The following RARB variants were observed in gnomAD, a reference collection of about 807,000 sequenced individuals.
The protein encoded by RARB is HBV-activated protein.
A neutral mutation model predicts 51.9 loss-of-function variants in RARB; 17 were observed. The observed-to-expected ratio is 0.33, with a 90% CI of 0.22 to 0.49. RARB has a LOEUF of 0.49. RARB is among the 20% of genes least tolerant of loss of function. The pLI, the probability that RARB is intolerant of heterozygous loss-of-function variation, is 0.99. For synonymous variants in RARB, 215 were observed against 195.4 expected, an observed-to-expected ratio of 1.10 and a Z score of -0.84; for missense variants, 369 against 550.8, an observed-to-expected ratio of 0.67 and a Z score of 3.30.
At chr3:25,295,220 T>C (rs1252891173) in intron 5 of RARB, among the ~76,000 whole-genome samples, 1 of 152,196 alleles carries the variant, frequency 6.6e-6, no homozygotes, top group Non-Finnish European at 1.5e-5. Flanking sequence ...TCAGAATATT[T>C]GTGTGCCTCA....
rs1365194110 is a variant in RARB at position 25,555,400 on chromosome 3, G to C, written c.449-14358G>C. The C allele has an allele frequency of 3.3e-5, 5 of 152,014 alleles. 1 individual carries two copies. The South Asian group carries it at 1.0e-3, about 32-fold the overall frequency. 9.4% of individuals were successfully genotyped at this position (152,014 alleles called of 1,614,324 possible). ...ACACTTATTACCTGTCATTATATTGGATATGCATTTGTTTATCATCTGCCT... is the reference window on the plus strand; with the variant it reads ...ACACTTATTACCTGTCATTATATTGCATATGCATTTGTTTATCATCTGCCT... On this transcript the variant is annotated intron_variant, in intron 3 of 7. Transcript: ENST00000330688.
chr3:25,284,572 G>A (rs1703604215), intron 5 of RARB, among the ~76,000 whole-genome samples: 1 of 152,050 alleles, frequency 6.6e-6, no homozygotes, highest in South Asian at 2.1e-4. Context: ...AATATAGTGA[G>A]GGAAGCAGCA....
chr3:25,025,179 C>A (rs1387351280), intron 2 of RARB: 1 of 152,062 alleles, frequency 6.6e-6, no homozygotes, highest in Non-Finnish European at 1.5e-5. Flanking sequence ...CTTTGATGTC[C>A]TTCTGAAATA....
At chr3:25,301,195 C>T (rs919801539) in intron 5 of RARB, among the ~76,000 whole-genome samples, 1 of 152,118 alleles carries the variant, frequency 6.6e-6, no homozygotes, top group Non-Finnish European at 1.5e-5. Flanking sequence ...GTAGTTTTTA[C>T]TCACTATGGG....
At chr3:25,122,102 A>G (rs1038493983) in intron 3 of RARB, among the ~76,000 whole-genome samples, 2 of 152,176 alleles carry the variant, frequency 1.3e-5, no homozygotes, top group African/African-American at 2.4e-5. Context: ...CCCACAACGC[A>G]AATAAGATCA....
At chr3:25,180,561 G>A (rs146375377) in intron 5 of RARB, among the ~76,000 whole-genome samples, 7 of 152,314 alleles carry the variant, frequency 4.6e-5, no homozygotes, top group East Asian at 1.9e-4. Flanking sequence ...GCAGGTAGGT[G>A]GACATGAGGT....
At chr3:25,548,921 C>T (rs766335550) in intron 3 of RARB, among the ~76,000 whole-genome samples, 2 of 151,898 alleles carry the variant, frequency 1.3e-5, no homozygotes, top group Admixed American at 6.6e-5. Context: ...AAGCTTGGCT[C>T]TATATTTTGA....
At chr3:24,845,516 G>A (rs1164122880) in intron 1 of RARB, among the ~76,000 whole-genome samples, 1 of 152,082 alleles carries the variant, frequency 6.6e-6, no homozygotes, top group Non-Finnish European at 1.5e-5. Context: ...ATTTTGATGG[G>A]GCATGTTTTC....
At chr3:25,493,187 A>C (rs192701924) in intron 2 of RARB, among the ~76,000 whole-genome samples, 54 of 152,178 alleles carry the variant, frequency 3.5e-4, no homozygotes, top group Non-Finnish European at 6.9e-4. Context: ...ACTGTCATCA[A>C]AATAATAGGG....
intron 1 of RARB, among the ~76,000 whole-genome samples, chr3:25,437,832 G>T (rs529818897): frequency 8.5e-5 from 13 of 152,224 alleles, no homozygotes; most frequent in Non-Finnish European, 1.6e-4. Context: ...AGACTTTCAT[G>T]TGGATGTTTC....
chr3:25,039,233 G>T lies in RARB; in HGVS notation c.-379-20892G>T, dbSNP rs147279121. 1.7e-3 allele frequency among the ~76,000 whole-genome samples: 253 copies of T among 152,290 alleles called. 1 individual carries two copies. Among genetic ancestry groups the T allele is most frequent in the African/African-American group, 5.6e-3 (233 of 41,566 alleles). ...AAACAAAGAAGGGTGAGGCAGAGGC[G>T]AAGTGGGAAGCTAAGAATGTTGAGT... On this transcript the variant is annotated intron_variant, in intron 2 of 11. Transcript: ENST00000383772.
intron 4 of RARB, among the ~76,000 whole-genome samples, chr3:25,169,899 G>T (rs1700614639): frequency 6.6e-6 from 1 of 150,982 alleles, no homozygotes; most frequent in South Asian, 2.1e-4. Context: ...GAGGTGGAAA[G>T]ATTGCTTGTG....
intron 2 of RARB, among the ~76,000 whole-genome samples, chr3:24,980,308 T>C (rs3178886): frequency 2.6e-5 from 4 of 152,290 alleles, no homozygotes; most frequent in Non-Finnish European, 2.9e-5. Context: ...TGAATTTGAA[T>C]GTTGTCCTGC....
intron 5 of RARB, among the ~76,000 whole-genome samples, chr3:25,216,387 A>G (rs935657721): frequency 2.0e-5 from 3 of 152,250 alleles, no homozygotes; most frequent in Non-Finnish European, 4.4e-5. Context: ...CATATACACC[A>G]TAGAATACTA....
intron 5 of RARB, among the ~76,000 whole-genome samples, chr3:25,331,578 G>T (rs1377740486): frequency 6.6e-6 from 1 of 152,174 alleles, no homozygotes; most frequent in Non-Finnish European, 1.5e-5. Context: ...AAGCAGGAAA[G>T]ATCTAAAATT....
chr3:25,147,381 T>A (rs1447488142), intron 4 of RARB, among the ~76,000 whole-genome samples: 1 of 152,166 alleles, frequency 6.6e-6, no homozygotes, highest in South Asian at 2.1e-4. Flanking sequence ...CAATGTGCCA[T>A]GGCCACATCT....
intron 3 of RARB, among the ~76,000 whole-genome samples, chr3:25,079,584 T>C (rs1698949993): frequency 6.6e-6 from 1 of 152,226 alleles, no homozygotes; most frequent in African/African-American, 2.4e-5. Context: ...GCTGAGGGTT[T>C]CTATCATAAT....
intron 1 of RARB, 60 bp downstream of exon 1, chr3:25,428,948 A>G: frequency 6.6e-7 from 1 of 1,516,372 alleles, no homozygotes; most frequent in Non-Finnish European, 8.9e-7. Flanking sequence ...TCTTGCATGC[A>G]ATAAAGACGT....
intron 3 of RARB, among the ~76,000 whole-genome samples, chr3:25,550,334 A>G (rs1179540710): frequency 1.3e-5 from 2 of 152,166 alleles, no homozygotes; most frequent in African/African-American, 4.8e-5. Flanking sequence ...ACCATAGACT[A>G]GGTGGCTTAT....
Sources: gnomAD v4.1 joint callset for allele counts (sites outside exome capture counted in the v4.1 genomes callset) on GRCh38, gnomAD v4.1.1 for gene constraint, MANE v1.5 for transcripts, NCBI Gene and HGNC (gene_info 2026-07-23, HGNC 2026-07-21) for gene names.